The following SMURF1 variants were observed in gnomAD, a reference collection of about 807,000 sequenced individuals.
The protein encoded by SMURF1 is E3 ubiquitin-protein ligase SMURF1.
A neutral mutation model predicts 98.0 loss-of-function variants in SMURF1; 44 were observed. That is an observed-to-expected ratio of 0.45 (90% CI 0.35 to 0.58). The LOEUF is 0.58. Ranked by LOEUF, SMURF1 falls within the 20% of genes least tolerant of loss-of-function variation. The pLI is 0.00. For synonymous variants in SMURF1, 396 were observed against 374.9 expected (o/e 1.06, Z -0.65); for missense variants, 687 against 938.4 (o/e 0.73, Z 3.50).
chr7:99,115,607 A>T (rs1044803913), intron 1 of SMURF1, among the ~76,000 whole-genome samples: 4 of 152,100 alleles, frequency 2.6e-5, no homozygotes, highest in African/African-American at 9.7e-5. Context: ...GAAACTAGGG[A>T]CACTACTACT....
chr7:99,051,608 C>G (rs182498939), intron 7 of SMURF1, among the ~76,000 whole-genome samples, 167 bp from the exon 8 acceptor site: 1 of 152,150 alleles, frequency 6.6e-6, no homozygotes, highest in Non-Finnish European at 1.5e-5. Context: ...TTCTCCATCT[C>G]GCCCCATGCT....
At chr7:99,085,171 C>G (rs1481580617) in intron 1 of SMURF1, among the ~76,000 whole-genome samples, 1 of 151,476 alleles carries the variant, frequency 6.6e-6, no homozygotes, top group African/African-American at 2.4e-5. Context: ...GCCAACATGG[C>G]TAAACCCCGT....
chr7:99,093,764 T>C (rs1317997295), intron 1 of SMURF1, among the ~76,000 whole-genome samples: 3 of 152,080 alleles, frequency 2.0e-5, no homozygotes, highest in Non-Finnish European at 4.4e-5. Context: ...TTTCTATATA[T>C]ATATAATTTC....
At chr7:99,042,761 T>C (rs1795436902) in intron 11 of SMURF1, among the ~76,000 whole-genome samples, 1 of 152,236 alleles carries the variant, frequency 6.6e-6, no homozygotes, top group Non-Finnish European at 1.5e-5. Flanking sequence ...ACGAAGAGTC[T>C]TCTATTCATT....
At chr7:99,039,306 T>G (rs1795280069) in intron 13 of SMURF1, among the ~76,000 whole-genome samples, 1 of 151,872 alleles carries the variant, frequency 6.6e-6, no homozygotes, top group African/African-American at 2.4e-5. Flanking sequence ...CTCTTGAATC[T>G]GCCATCGTTC....
intron 3 of SMURF1, among the ~76,000 whole-genome samples, chr7:99,059,505 A>G (rs1795980120): frequency 1.3e-5 from 2 of 151,966 alleles, no homozygotes; most frequent in African/African-American, 2.4e-5. Context: ...TTGAATGACT[A>G]TAAGAAATTG....
chr7:99,033,756 C>T lies in SMURF1; in HGVS notation c.2012-635G>A, dbSNP rs535589672. Among the ~76,000 whole-genome samples, 4 of 152,334 alleles carry T rather than the reference C, an allele frequency of 2.6e-5. No homozygotes were observed. In the East Asian group the frequency reaches 7.7e-4, roughly 29 times the overall value. On this transcript the variant is annotated intron_variant, in intron 16 of 17. Transcript: ENST00000361368. ...CCCACCCTCTGGAATAGACGACTTGCCCACCAGTTCTGTAGGGCAGGGAGA... is the reference window on the plus strand; with the variant it reads ...CCCACCCTCTGGAATAGACGACTTGTCCACCAGTTCTGTAGGGCAGGGAGA...
chr7:99,030,544 T>A lies in SMURF1; in HGVS notation c.*40A>T, dbSNP rs1191102476. 1 of 1,563,734 alleles carries A rather than the reference T, an allele frequency of 6.4e-7. No individual in the cohort carries two copies. The highest frequency in any genetic ancestry group is 1.4e-5 in the African/African-American group (1 of 73,858). On this transcript the variant is annotated 3_prime_UTR_variant, in exon 18 of 18. Coordinates refer to ENST00000361368, the MANE Select transcript of SMURF1 (RefSeq NM_181349.3). Reference sequence around the variant, plus strand: ...GCACAGAAGCTGGATGCTTTTGGTCTGGTGGCCATGAGCTAGACTCTGTTG... The same window carrying A: ...GCACAGAAGCTGGATGCTTTTGGTCAGGTGGCCATGAGCTAGACTCTGTTG...
intron 1 of SMURF1, among the ~76,000 whole-genome samples, chr7:99,067,960 A>G (rs1197129271): frequency 6.6e-6 from 1 of 152,172 alleles, no homozygotes; most frequent in Non-Finnish European, 1.5e-5. Context: ...CCCCCCACCA[A>G]AAAAATACTA....
In SMURF1 at chr7:99,047,896, G is replaced by A. The variant is rs774600720; in HGVS notation, c.954-14C>T. ...TGGCACTGGTGACTTGAGAAGAAGAGATGCAGAAAGTCACTCCGAAGCCCC... is the reference window on the plus strand; with the variant it reads ...TGGCACTGGTGACTTGAGAAGAAGAAATGCAGAAAGTCACTCCGAAGCCCC... On this transcript the variant is annotated splice_polypyrimidine_tract_variant and intron_variant, in intron 9 of 17. Coordinates refer to ENST00000361368, the MANE Select transcript of SMURF1 (RefSeq NM_181349.3). 6.2e-7 allele frequency: 1 copy of A among 1,611,856 alleles called. No homozygotes were observed. The highest frequency in any genetic ancestry group is 2.2e-5 in the East Asian group (1 of 44,882).
intron 1 of SMURF1, among the ~76,000 whole-genome samples, chr7:99,107,611 T>A (rs1457319375): frequency 6.6e-6 from 1 of 152,206 alleles, no homozygotes; most frequent in African/African-American, 2.4e-5. Flanking sequence ...CAGAGAAAGT[T>A]GAGCGTCAAC....
intron 9 of SMURF1, 92 bp from the exon 10 acceptor site, chr7:99,047,974 T>C: frequency 5.2e-6 from 6 of 1,160,644 alleles, no homozygotes; most frequent in Admixed American, 1.8e-5. Context: ...AGGAGAGAGC[T>C]AGCTGCACAC....
At chr7:99,091,097 A>G (rs1179707025) in intron 1 of SMURF1, among the ~76,000 whole-genome samples, 1 of 152,214 alleles carries the variant, frequency 6.6e-6, no homozygotes, top group Non-Finnish European at 1.5e-5. Flanking sequence ...TTACTATCTG[A>G]GCATTTCAGA....
chr7:99,052,495 CA>C, intron 6 of SMURF1, 49 bp from the exon 7 acceptor site: 1 of 1,471,994 alleles, frequency 6.8e-7, no homozygotes, highest in Non-Finnish European at 9.0e-7. Flanking sequence ...GGAGGAGTCA[CA>C]AGACCAGCGC....
chr7:99,052,525 G>A, intron 6 of SMURF1, 79 bp from the exon 7 acceptor site: 10 of 1,339,998 alleles, frequency 7.5e-6, no homozygotes, highest in Non-Finnish European at 9.7e-6. Context: ...TAGTGTCCTA[G>A]GGGACACCGT....
intron 1 of SMURF1, among the ~76,000 whole-genome samples, chr7:99,103,459 T>C (rs1031502041): frequency 6.6e-6 from 1 of 152,220 alleles, no homozygotes; most frequent in Non-Finnish European, 1.5e-5. Context: ...TCCCCTTATG[T>C]GACGGTATGA....
intron 1 of SMURF1, among the ~76,000 whole-genome samples, chr7:99,124,932 T>G (rs1262426943): frequency 1.3e-5 from 2 of 152,214 alleles, no homozygotes; most frequent in African/African-American, 4.8e-5. Flanking sequence ...AAACCTGACA[T>G]TAACTTAGTA....
At chr7:99,047,640 T>C in intron 10 of SMURF1, 44 bp downstream of exon 10, 4 of 1,597,322 alleles carry the variant, frequency 2.5e-6, no homozygotes, top group Non-Finnish European at 3.4e-6. Flanking sequence ...AATTGCCTTA[T>C]TTGTTTCTGA....
chr7:99,032,368 G>C (rs1361603491), intron 17 of SMURF1, among the ~76,000 whole-genome samples: 1 of 152,190 alleles, frequency 6.6e-6, no homozygotes, highest in African/African-American at 2.4e-5. Flanking sequence ...TCGGAAAACA[G>C]CTTTAAAAAA....
Sources: allele counts gnomAD v4.1 joint callset (sites outside exome capture counted in the v4.1 genomes callset), GRCh38; gene constraint gnomAD v4.1.1; transcripts MANE v1.5; gene names NCBI Gene and HGNC (gene_info 2026-07-23, HGNC 2026-07-21).